The following TGS1 variants were observed in gnomAD, a reference collection of about 807,000 sequenced individuals.
The protein encoded by TGS1 is trimethylguanosine synthase 1, also known as trimethylguanosine synthase.
Under a neutral mutation model 92.2 loss-of-function variants are expected in TGS1, and 69 were observed. The observed-to-expected ratio is 0.75, with a 90% CI of 0.62 to 0.91. The LOEUF (loss-of-function observed/expected upper bound fraction) is 0.91. TGS1 is among the 40% of genes least tolerant of loss of function. The pLI is 0.00. For missense variants in TGS1, 1,062 were observed against 1,001.2 expected, an observed-to-expected ratio of 1.06 and a Z score of -0.82; for synonymous variants, 345 against 338.1, an observed-to-expected ratio of 1.02 and a Z score of -0.22.
chr8:55,785,973 A>G (rs1308616823), intron 3 of TGS1, 82 bp downstream of exon 3: 6 of 1,136,250 alleles, frequency 5.3e-6, no homozygotes, highest in East Asian at 5.0e-5. Context: ...TTATCAGATT[A>G]TATGCATTCA....
At chr8:55,813,679 A>T (rs1803396830) in intron 12 of TGS1, among the ~76,000 whole-genome samples, 1 of 152,104 alleles carries the variant, frequency 6.6e-6, no homozygotes, top group Admixed American at 6.5e-5. Flanking sequence ...TTTTTTATTC[A>T]GGAGATGCTA....
chr8:55,794,205 G>A (rs1431620693), intron 6 of TGS1, among the ~76,000 whole-genome samples: 2 of 152,102 alleles, frequency 1.3e-5, no homozygotes, highest in Admixed American at 6.6e-5. Flanking sequence ...CTGTAACACA[G>A]GCAGGAGTGC....
chr8:55,820,152 A>G (rs1803593190), intron 12 of TGS1, among the ~76,000 whole-genome samples: 1 of 152,162 alleles, frequency 6.6e-6, no homozygotes, highest in African/African-American at 2.4e-5. Context: ...ATCTGTCATT[A>G]GTAATTATTA....
In TGS1 at chr8:55,796,092, C is replaced by T; in HGVS notation, c.1482C>T (p.His494=). ...MRRQIKMKNK[H]IFFTKESEKP... ...GACAAATAAAGATGAAAAACAAACA[C>T]ATCTTCTTTACCAAAGAGTCAGAAA... The change falls in exon 7 of 13, where the codon CAC becomes CAT. Residue 494 remains histidine, a synonymous_variant. Coordinates refer to ENST00000260129, the MANE Select transcript of TGS1 (RefSeq NM_024831.8). The T allele has an allele frequency of 3.7e-6, 6 of 1,612,982 alleles. No homozygotes were observed. In the South Asian group the frequency reaches 6.6e-5, roughly 18 times the overall value.
chr8:55,822,117 T>G (rs1316273286), intron 12 of TGS1, among the ~76,000 whole-genome samples: 1 of 151,350 alleles, frequency 6.6e-6, no homozygotes, highest in East Asian at 1.9e-4. Flanking sequence ...TCGCCCAGGC[T>G]GGAGTGCAGT....
chr8:55,785,488 C>T (rs1299748179), intron 2 of TGS1, among the ~76,000 whole-genome samples: 2 of 151,966 alleles, frequency 1.3e-5, no homozygotes, highest in African/African-American at 4.8e-5. Context: ...CTGACTGAGC[C>T]CGGGAGTTCA....
At chr8:55,797,779 C>T (rs1238912706) in intron 7 of TGS1, among the ~76,000 whole-genome samples, 4 of 152,162 alleles carry the variant, frequency 2.6e-5, no homozygotes, top group African/African-American at 9.7e-5. Context: ...GGACAGTAGA[C>T]CATAATCTTA....
intron 1 of TGS1, among the ~76,000 whole-genome samples, chr8:55,779,344 CA>C (rs1393518300): frequency 6.6e-6 from 1 of 152,198 alleles, no homozygotes; most frequent in Non-Finnish European, 1.5e-5. Flanking sequence ...CTTTCTGCCT[CA>C]AATTATCAGC....
intron 1 of TGS1, among the ~76,000 whole-genome samples, chr8:55,779,631 G>C (rs553502747): frequency 3.3e-5 from 5 of 152,342 alleles, no homozygotes; most frequent in African/African-American, 1.2e-4. Flanking sequence ...ATCGGGTACT[G>C]ATGCTACTTT....
At position 55,824,756 on chromosome 8, in the gene TGS1, G is replaced by C; in HGVS notation, c.*53G>C. 1 of 1,598,038 alleles carries C rather than the reference G, an allele frequency of 6.3e-7. No individual in the cohort carries two copies. The highest frequency in any genetic ancestry group is 1.1e-5 in the South Asian group (1 of 88,992). Reference sequence around the variant, plus strand: ...CATGGAGTGGTCAAAATATTCAGATGAGACATTTGGCATGTCTTCCTTTAT... The same window carrying C: ...CATGGAGTGGTCAAAATATTCAGATCAGACATTTGGCATGTCTTCCTTTAT... On this transcript the variant is annotated 3_prime_UTR_variant, in exon 13 of 13. Transcript: ENST00000260129.
chr8:55,791,614 T>A (rs1238057705), intron 5 of TGS1, among the ~76,000 whole-genome samples: 1 of 152,232 alleles, frequency 6.6e-6, no homozygotes, highest in Middle Eastern at 3.2e-3. Flanking sequence ...CCAGCACCAG[T>A]GAACTAACTT....
intron 1 of TGS1, among the ~76,000 whole-genome samples, chr8:55,775,712 T>TA (rs1419801801): frequency 3.3e-5 from 5 of 151,814 alleles, no homozygotes; most frequent in African/African-American, 1.2e-4. Flanking sequence ...CAGTTAGATA[T>TA]ATTGATTTGG....
intron 10 of TGS1, among the ~76,000 whole-genome samples, chr8:55,807,330 C>T (rs1803198458): frequency 6.6e-6 from 1 of 152,088 alleles, no homozygotes; most frequent in Non-Finnish European, 1.5e-5. Context: ...AATATTACCT[C>T]ATCGTCATAT....
At chr8:55,811,869 G>A (rs1318642597) in intron 11 of TGS1, among the ~76,000 whole-genome samples, 1 of 152,086 alleles carries the variant, frequency 6.6e-6, no homozygotes, top group Admixed American at 6.5e-5. Context: ...AAATTATGTG[G>A]GGATCGATCT....
At chr8:55,792,859 G>T in intron 6 of TGS1, 75 bp downstream of exon 6, 1 of 902,128 alleles carries the variant, frequency 1.1e-6, no homozygotes, top group Non-Finnish European at 1.8e-6. Context: ...CTGATACTCA[G>T]ATAACTAATA....
chr8:55,811,742 C>T (rs867393597), intron 11 of TGS1, among the ~76,000 whole-genome samples: 4 of 151,964 alleles, frequency 2.6e-5, no homozygotes, highest in African/African-American at 7.3e-5. Flanking sequence ...GCCTGGGCAA[C>T]GGAGCGAGAC....
intron 12 of TGS1, among the ~76,000 whole-genome samples, chr8:55,816,910 G>C (rs1205027028): frequency 6.6e-6 from 1 of 151,070 alleles, no homozygotes. Context: ...GCCCAGGCCA[G>C]AGTGCAGTGG....
chr8:55,805,639 A>C (rs530107989), intron 10 of TGS1, among the ~76,000 whole-genome samples: 1 of 152,210 alleles, frequency 6.6e-6, no homozygotes, highest in Non-Finnish European at 1.5e-5. Flanking sequence ...TAATCCCGGC[A>C]CTTTGGTAGG....
intron 4 of TGS1, among the ~76,000 whole-genome samples, chr8:55,789,548 T>G (rs1167914314): frequency 6.6e-6 from 1 of 152,228 alleles, no homozygotes; most frequent in African/African-American, 2.4e-5. Context: ...TTGTGTTTTT[T>G]TTTAAGTAGT....
Sources: allele counts gnomAD v4.1 joint callset (sites outside exome capture counted in the v4.1 genomes callset), GRCh38; gene constraint gnomAD v4.1.1; transcripts MANE v1.5; gene names NCBI Gene and HGNC (gene_info 2026-07-23, HGNC 2026-07-21).